The following LINGO2 variants were observed in gnomAD, a reference collection of about 807,000 sequenced individuals.
LINGO2 encodes the protein leucine-rich repeat and immunoglobulin-like domain-containing nogo receptor-interacting protein 2.
In LINGO2, 14 loss-of-function variants were observed where a neutral mutation model predicts 30.6. That is an observed-to-expected ratio of 0.46 (90% CI 0.30 to 0.72). The LOEUF is 0.72. Ranked by LOEUF, LINGO2 falls within the 30% of genes least tolerant of loss-of-function variation. The pLI is 0.07. For synonymous variants in LINGO2, 317 were observed against 288.5 expected (o/e 1.10, Z -1.00); for missense variants, 729 against 751.7 (o/e 0.97, Z 0.35).
the LINGO2 span, among the ~76,000 whole-genome samples, chr9:28,697,068 G>C: frequency 6.6e-6 from 1 of 151,908 alleles, no homozygotes; most frequent in Non-Finnish European, 1.5e-5. Context: ...GAAGTGGGGT[G>C]TCATATTCTT....
chr9:28,946,522 C>G, the LINGO2 span, among the ~76,000 whole-genome samples: 1 of 152,062 alleles, frequency 6.6e-6, no homozygotes, highest in Non-Finnish European at 1.5e-5. Context: ...TCCCCTGGTG[C>G]TCTGGAAGAA....
At chr9:28,460,508 G>C (rs1470841513) in intron 2 of LINGO2, among the ~76,000 whole-genome samples, 2 of 152,032 alleles carry the variant, frequency 1.3e-5, no homozygotes, top group East Asian at 3.9e-4. Context: ...ACAAGAGAAA[G>C]ATGCTATTAG....
chr9:29,128,350 G>GC, the LINGO2 span, among the ~76,000 whole-genome samples: 1 of 152,172 alleles, frequency 6.6e-6, no homozygotes, highest in Non-Finnish European at 1.5e-5. Flanking sequence ...GAGAAACATT[G>GC]CATCTATTCC....
the LINGO2 span, among the ~76,000 whole-genome samples, chr9:29,106,482 T>C: frequency 6.6e-6 from 1 of 152,158 alleles, no homozygotes; most frequent in South Asian, 2.1e-4. Context: ...CGGAATTCTC[T>C]TATAAATCGA....
In LINGO2 at chr9:28,659,728, C is replaced by G. The variant is rs144127186; in HGVS notation, c.-365+10472G>C. On this transcript the variant is annotated intron_variant, in intron 1 of 5. Transcript: ENST00000379992. ...CCTGCCAAACTGCTGGGATTACAGG[C>G]ATGAGCCACCATGCTTGGCCAATGG... Among the ~76,000 whole-genome samples, 458 of 152,222 alleles carry G rather than the reference C, an allele frequency of 3.0e-3. 11 individuals carry two copies. The East Asian group carries it at 0.075, about 25-fold the overall frequency.
intron 4 of LINGO2, among the ~76,000 whole-genome samples, chr9:28,082,155 G>A (rs1424701493): frequency 2.0e-5 from 3 of 152,022 alleles, no homozygotes; most frequent in Non-Finnish European, 4.4e-5. Flanking sequence ...TGTCACCTTG[G>A]ATTTTGAAGC....
chr9:28,648,237 A>G (rs887848985), intron 1 of LINGO2, among the ~76,000 whole-genome samples: 13 of 152,132 alleles, frequency 8.5e-5, no homozygotes, highest in African/African-American at 2.9e-4. Context: ...TATGTAATCC[A>G]TTCAACTCAG....
At chr9:28,449,955 G>A (rs1052193845) in intron 2 of LINGO2, among the ~76,000 whole-genome samples, 1 of 151,938 alleles carries the variant, frequency 6.6e-6, no homozygotes, top group African/African-American at 2.4e-5. Context: ...TGCATTGCAG[G>A]AAGGAGGGAG....
chr9:29,122,505 C>T, the LINGO2 span, among the ~76,000 whole-genome samples: 2 of 151,880 alleles, frequency 1.3e-5, no homozygotes, highest in Non-Finnish European at 1.5e-5. Flanking sequence ...GTTAAGATAG[C>T]ATCACGTTCT....
chr9:28,643,012 T>C (rs950884181), intron 1 of LINGO2, among the ~76,000 whole-genome samples: 16 of 151,970 alleles, frequency 1.1e-4, no homozygotes, highest in Non-Finnish European at 5.9e-5. Context: ...ATGAAAACTA[T>C]AAAACACTGA....
At chr9:28,996,926 G>A in the LINGO2 span, among the ~76,000 whole-genome samples, 6 of 152,102 alleles carry the variant, frequency 3.9e-5, no homozygotes. Flanking sequence ...TAAAAGTTAG[G>A]GACATTGTAT....
At chr9:28,051,305 A>C (rs1824661311) in intron 4 of LINGO2, among the ~76,000 whole-genome samples, 1 of 152,034 alleles carries the variant, frequency 6.6e-6, no homozygotes, top group Non-Finnish European at 1.5e-5. Context: ...CATATGACAA[A>C]TCCCTCCGTC....
At chr9:28,675,905 G>GTGTATA in the LINGO2 span, among the ~76,000 whole-genome samples, 1 of 126,064 alleles carries the variant, frequency 7.9e-6, no homozygotes, top group Non-Finnish European at 1.7e-5. Flanking sequence ...GTGTGTGTAT[G>GTGTATA]TATATATATA....
intron 1 of LINGO2, among the ~76,000 whole-genome samples, chr9:28,544,892 T>C (rs1821862706): frequency 6.6e-6 from 1 of 151,318 alleles, no homozygotes; most frequent in Non-Finnish European, 1.5e-5. Context: ...TAAACGGTCA[T>C]CTAATCTCAA....
intron 1 of LINGO2, among the ~76,000 whole-genome samples, chr9:28,560,365 T>G (rs1822982881): frequency 6.6e-6 from 1 of 152,082 alleles, no homozygotes; most frequent in South Asian, 2.1e-4. Flanking sequence ...CTGGTCTTGA[T>G]CTTTCTGAAC....
At chr9:28,605,831 CTAGCTGGGATACAA>C (rs796390405) in intron 1 of LINGO2, among the ~76,000 whole-genome samples, 33 of 152,100 alleles carry the variant, frequency 2.2e-4, no homozygotes, top group African/African-American at 7.0e-4. Flanking sequence ...TGTCTATAGG[CTAGCTGGGATACAA>C]TAGCAGAGCT....
intron 2 of LINGO2, among the ~76,000 whole-genome samples, chr9:28,381,621 T>C (rs1333505612): frequency 6.6e-6 from 1 of 152,114 alleles, no homozygotes; most frequent in Non-Finnish European, 1.5e-5. Flanking sequence ...AAAATGTTTA[T>C]CTATTTATAA....
intron 1 of LINGO2, among the ~76,000 whole-genome samples, chr9:28,640,226 C>T (rs1031448537): frequency 1.3e-5 from 2 of 152,000 alleles, no homozygotes; most frequent in Admixed American, 1.3e-4. Flanking sequence ...GTGGGTAACC[C>T]GACCTTTCTC....
the LINGO2 span, among the ~76,000 whole-genome samples, chr9:29,071,458 A>G: frequency 2.1e-5 from 3 of 144,116 alleles, no homozygotes; most frequent in African/African-American, 7.7e-5. Context: ...ATACACAACT[A>G]TTGCTGCTTG....
Sources: allele counts gnomAD v4.1 joint callset (sites outside exome capture counted in the v4.1 genomes callset), GRCh38; gene constraint gnomAD v4.1.1; transcripts MANE v1.5; gene names NCBI Gene and HGNC (gene_info 2026-07-23, HGNC 2026-07-21).